Variants in VSTM2A observed in about 807,000 individuals in gnomAD.
VSTM2A encodes V-set and transmembrane domain-containing protein 2A.
In VSTM2A, 13 loss-of-function variants were observed where a neutral mutation model predicts 27.3. The ratio of observed to expected loss-of-function variants is 0.48; its 90% CI spans 0.31 to 0.76. The LOEUF (loss-of-function observed/expected upper bound fraction) is 0.76. VSTM2A is among the 30% of genes least tolerant of loss of function. The pLI, the probability that VSTM2A is intolerant of heterozygous loss-of-function variation, is 0.05. For synonymous variants in VSTM2A, 142 were observed against 125.7 expected (o/e 1.13, Z -0.87); for missense variants, 280 against 310.0 (o/e 0.90, Z 0.73).
Position 54,542,718 on chromosome 7 carries a change from CT to C in VSTM2A, c.-12del, listed in dbSNP as rs778767513. 27 of 1,612,196 alleles carry C rather than the reference CT, an allele frequency of 1.7e-5. No homozygotes were observed. The highest frequency in any genetic ancestry group is 2.3e-5 in the Non-Finnish European group (27 of 1,178,366). On this transcript the variant is annotated 5_prime_UTR_variant, in exon 1 of 5. Coordinates refer to ENST00000402613, the MANE Select transcript of VSTM2A (RefSeq NM_001301009.2). ...TGTTGGCTACACTGATGTGACCCCC[CT>C]CCCTTTTTGGAATGATGGGGATCTT...
chr7:54,545,213 C>A (rs1787909523), intron 2 of VSTM2A, among the ~76,000 whole-genome samples: 2 of 152,014 alleles, frequency 1.3e-5, no homozygotes, highest in South Asian at 4.2e-4. Flanking sequence ...GGACCGCAGC[C>A]CCCAGGCTGA....
chr7:54,561,924 T>G (rs1739953500), intron 4 of VSTM2A, among the ~76,000 whole-genome samples: 1 of 143,242 alleles, frequency 7.0e-6, no homozygotes, highest in African/African-American at 2.9e-5. Flanking sequence ...TAGTTTTTTG[T>G]TTGTTTTTTT....
chr7:54,550,472 G>A (rs769686620), intron 4 of VSTM2A: 2 of 594,144 alleles, frequency 3.4e-6, no homozygotes, highest in Admixed American at 3.8e-5. Context: ...TGTAATGTTG[G>A]TTACATTACA....
intron 4 of VSTM2A, among the ~76,000 whole-genome samples, chr7:54,564,409 G>C (rs1214224404): frequency 6.6e-6 from 1 of 152,180 alleles, no homozygotes; most frequent in East Asian, 1.9e-4. Context: ...TAATGCTGCA[G>C]AACGATGCCC....
At chr7:54,566,806 G>T (rs767979636) in intron 4 of VSTM2A, among the ~76,000 whole-genome samples, 1 of 152,162 alleles carries the variant, frequency 6.6e-6, no homozygotes, top group South Asian at 2.1e-4. Flanking sequence ...CGGTCCTGAC[G>T]GCAATCCTGG....
At chr7:54,543,580 A>G (rs1368975207) in intron 1 of VSTM2A, among the ~76,000 whole-genome samples, 2 of 144,818 alleles carry the variant, frequency 1.4e-5, no homozygotes, top group African/African-American at 5.1e-5. Context: ...GAAAAGAGAC[A>G]GTGTCTCTCT....
chr7:54,568,727 C>T (rs1788800290), intron 4 of VSTM2A, among the ~76,000 whole-genome samples: 1 of 152,020 alleles, frequency 6.6e-6, no homozygotes, highest in South Asian at 2.1e-4. Flanking sequence ...GGGAATGATC[C>T]TCAAGGAATT....
intron 3 of VSTM2A, among the ~76,000 whole-genome samples, chr7:54,548,836 G>A (rs1012167585): frequency 2.0e-5 from 3 of 151,954 alleles, no homozygotes; most frequent in Non-Finnish European, 4.4e-5. Flanking sequence ...CCGTTTGAAA[G>A]TGTAGTGGCC....
intron 2 of VSTM2A, 66 bp downstream of exon 2, chr7:54,544,854 G>A: frequency 6.7e-7 from 1 of 1,496,016 alleles, no homozygotes; most frequent in Non-Finnish European, 8.9e-7. Context: ...TCCGGCCCGG[G>A]GCTGGGGGCC....
chr7:54,548,713 T>C (rs2115802050), intron 3 of VSTM2A, among the ~76,000 whole-genome samples: 1 of 152,310 alleles, frequency 6.6e-6, no homozygotes, highest in South Asian at 2.1e-4. Context: ...TATTTATATG[T>C]AATTTTATAT....
Position 54,542,768 on chromosome 7 carries a change from T to C in VSTM2A, c.38T>C (p.Phe13Ser). 1.2e-6 allele frequency: 2 copies of C among 1,613,954 alleles called. No individual in the cohort carries two copies. The highest frequency in any genetic ancestry group is 1.3e-5 in the African/African-American group (1 of 75,062). The change falls in exon 1 of 5, where the codon TTC becomes TCC. Residue 13 changes from phenylalanine (F) to serine (S), a missense_variant. By Grantham distance (155) the Phe-to-Ser change is radical. Transcript: ENST00000402613. ...GIFLVYVGFV[F>S]FSVLYVQQGL... The stretch of plus-strand genomic sequence containing the variant: ...TTTTTGGTGTATGTTGGATTTGTTT[T>C]CTTTTCCGTTTTATATGTACAACAA...
At position 54,546,941 on chromosome 7, in the gene VSTM2A, C is replaced by A. The variant is rs749983195; in HGVS notation, c.247-6C>A. On this transcript the variant is annotated splice_region_variant and splice_polypyrimidine_tract_variant and intron_variant, in intron 2 of 4. Coordinates refer to ENST00000402613, the MANE Select transcript of VSTM2A (RefSeq NM_001301009.2). ...GCGGGACTGAGCGTTCGCTCCTTGC[C>A]CGCAGGTGGAGCTCTTGCCCGACAG... 2 of 1,598,302 alleles carry A rather than the reference C, an allele frequency of 1.3e-6. No individual in the cohort carries two copies. Among genetic ancestry groups the A allele is most frequent in the Admixed American group, 1.7e-5 (1 of 59,186 alleles).
intron 4 of VSTM2A, among the ~76,000 whole-genome samples, chr7:54,565,379 G>A (rs941328585): frequency 5.8e-4 from 88 of 152,290 alleles, no homozygotes; most frequent in African/African-American, 2.1e-3. Context: ...AGGTTCAGCC[G>A]TTTTGGAGGG....
chr7:54,569,912 T>TTA lies in VSTM2A; in HGVS notation c.*702_*703dup, dbSNP rs1300592643. 1 of 152,120 alleles carries TTA rather than the reference T, an allele frequency of 6.6e-6. No homozygotes were observed. The highest frequency in any genetic ancestry group is 1.5e-5 in the Non-Finnish European group (1 of 68,030). The allele number at this position is 152,120 out of a possible 1,614,324, so 9.4% of individuals were successfully genotyped here. A position where few individuals can be genotyped will look rare whatever the true frequency, so the allele number is the denominator to read the frequency against. On this transcript the variant is annotated 3_prime_UTR_variant, in exon 5 of 5. Transcript: ENST00000402613. ...CCCTCATGCAAGCTGATTTTTATCATTATATATATAAATATATACTTAAGA... is the reference window on the plus strand; with the variant it reads ...CCCTCATGCAAGCTGATTTTTATCATTATATATATATAAATATATACTTAAGA...
At chr7:54,545,480 A>G (rs1787919298) in intron 2 of VSTM2A, among the ~76,000 whole-genome samples, 1 of 135,120 alleles carries the variant, frequency 7.4e-6, no homozygotes, top group South Asian at 2.6e-4. Context: ...GGGAAGGGGA[A>G]AAGAGGGAGA....
chr7:54,545,308 G>T (rs923520151), intron 2 of VSTM2A, among the ~76,000 whole-genome samples: 2 of 149,462 alleles, frequency 1.3e-5, no homozygotes, highest in Non-Finnish European at 3.0e-5. Flanking sequence ...GGAGAGAGAA[G>T]GAAAGGGGGG....
chr7:54,547,073 C>T, intron 3 of VSTM2A, 76 bp downstream of exon 3: 2 of 1,475,676 alleles, frequency 1.4e-6, no homozygotes, highest in South Asian at 2.7e-5. Context: ...GAGAAGGCGG[C>T]TTGCCAGCGC....
At chr7:54,547,027 GC>G in intron 3 of VSTM2A, 30 bp downstream of exon 3, 1 of 1,563,284 alleles carries the variant, frequency 6.4e-7, no homozygotes, top group Non-Finnish European at 8.6e-7. Context: ...AGGGCCGCGG[GC>G]CCAGGCTCGG....
rs758712260 is a variant in VSTM2A, at chr7:54,562,469, C to T, written c.635-6662C>T. Reference sequence around the variant, plus strand: ...GGTCTATAGAAACATTCAAAGAGGGCGTGGATAAGGAGAGGTATTCTTTAT... The same window carrying T: ...GGTCTATAGAAACATTCAAAGAGGGTGTGGATAAGGAGAGGTATTCTTTAT... On this transcript the variant is annotated intron_variant, in intron 4 of 4. Transcript: ENST00000402613. Among the ~76,000 whole-genome samples, 3 of 152,090 alleles carry T rather than the reference C, an allele frequency of 2.0e-5. No homozygotes were observed. In the East Asian group the frequency reaches 5.8e-4, roughly 29 times the overall value.
Sources: gnomAD v4.1 joint callset for allele counts (sites outside exome capture counted in the v4.1 genomes callset) on GRCh38, gnomAD v4.1.1 for gene constraint, MANE v1.5 for transcripts, NCBI Gene and HGNC (gene_info 2026-07-23, HGNC 2026-07-21) for gene names.